GALNT13: variants seen among roughly 807,000 people sequenced by gnomAD.
The protein encoded by GALNT13 is polypeptide N-acetylgalactosaminyltransferase 13, also known as UDP-GalNAc:polypeptide N-acetylgalactosaminyltransferase 13.
GALNT13 carries 28 observed loss-of-function variants against 64.2 expected under a neutral mutation model. That is an observed-to-expected ratio of 0.44 (90% confidence interval 0.32 to 0.60). GALNT13 has a LOEUF of 0.60. Among genes scored for constraint, GALNT13 ranks in the 20% least tolerant of loss-of-function variants. GALNT13 has a pLI of 0.05. For missense variants in GALNT13, 577 were observed against 669.8 expected, an observed-to-expected ratio of 0.86 and a Z score of 1.53; for synonymous variants, 214 against 224.6, an observed-to-expected ratio of 0.95 and a Z score of 0.42.
intron 3 of GALNT13, among the ~76,000 whole-genome samples, chr2:154,032,787 C>T (rs552122957): frequency 2.0e-5 from 3 of 150,292 alleles, no homozygotes; most frequent in African/African-American, 7.3e-5. Flanking sequence ...ATAGAAATAA[C>T]TGGCATCATA....
At chr2:153,599,723 A>C in the GALNT13 span, among the ~76,000 whole-genome samples, 1 of 152,036 alleles carries the variant, frequency 6.6e-6, no homozygotes, top group Non-Finnish European at 1.5e-5. Context: ...GTAGCTGGAC[A>C]TATTATCATA....
chr2:153,343,832 G>A, the GALNT13 span, among the ~76,000 whole-genome samples: 1 of 152,038 alleles, frequency 6.6e-6, no homozygotes, highest in South Asian at 2.1e-4. Context: ...AAGAAATCAT[G>A]TCTCATTCCT....
the GALNT13 span, among the ~76,000 whole-genome samples, chr2:153,631,787 G>A: frequency 1.3e-5 from 2 of 152,096 alleles, no homozygotes; most frequent in Non-Finnish European, 2.9e-5. Context: ...AGTTTCTTTT[G>A]CTGTGCAGAA....
At chr2:153,779,845 A>G in the GALNT13 span, among the ~76,000 whole-genome samples, 1 of 152,168 alleles carries the variant, frequency 6.6e-6, no homozygotes. Flanking sequence ...GAAGATTTTC[A>G]GCTTTTCTTT....
At chr2:154,334,990 C>T (rs1051510267) in intron 9 of GALNT13, among the ~76,000 whole-genome samples, 1 of 151,940 alleles carries the variant, frequency 6.6e-6, no homozygotes, top group African/African-American at 2.4e-5. Context: ...ACTACATTTT[C>T]CCACTAGTCT....
rs1446906137 is a variant in GALNT13 at position 153,899,930 on chromosome 2, TA to T, written c.-176-1005del. ...GGAGATATATACATATATATATATA[TA>T]TATATTTTTTTTTTTTTTTTTTGAG... On this transcript the variant is annotated intron_variant, in intron 1 of 12. Coordinates refer to ENST00000392825, the MANE Select transcript of GALNT13 (RefSeq NM_052917.4). 4.7e-3 allele frequency among the ~76,000 whole-genome samples: 418 copies of T among 88,228 alleles called. 2 individuals carry two copies. The highest frequency in any genetic ancestry group is 7.7e-3 in the South Asian group (22 of 2,866). 57.9% of individuals were successfully genotyped at this position (88,228 alleles called of 152,430 possible). A position where few individuals can be genotyped will look rare whatever the true frequency, so the allele number is the denominator to read the frequency against.
the GALNT13 span, among the ~76,000 whole-genome samples, chr2:153,108,733 TC>T: frequency 6.6e-6 from 1 of 152,118 alleles, no homozygotes; most frequent in African/African-American, 2.4e-5. Context: ...TCAAAAGACT[TC>T]CAATCCTAAA....
the GALNT13 span, among the ~76,000 whole-genome samples, chr2:153,719,881 G>A: frequency 2.0e-5 from 3 of 152,208 alleles, no homozygotes; most frequent in East Asian, 3.9e-4. Flanking sequence ...GCGAGGCTGG[G>A]GGAGGGGCTC....
chr2:154,240,711 T>G (rs2105867024), intron 4 of GALNT13, among the ~76,000 whole-genome samples: 1 of 152,296 alleles, frequency 6.6e-6, no homozygotes. Flanking sequence ...GCAGCTTGTG[T>G]TAACCAGCTC....
the GALNT13 span, among the ~76,000 whole-genome samples, chr2:153,329,937 T>C: frequency 1.3e-5 from 2 of 152,220 alleles, no homozygotes; most frequent in African/African-American, 2.4e-5. Context: ...TTAATTTATC[T>C]TGAGATAATT....
chr2:153,412,232 A>C, the GALNT13 span, among the ~76,000 whole-genome samples: 2 of 152,098 alleles, frequency 1.3e-5, no homozygotes, highest in Non-Finnish European at 2.9e-5. Context: ...CCTGTTTAAT[A>C]CACCAGTGTA....
At chr2:154,405,215 A>G (rs2105382382) in intron 10 of GALNT13, among the ~76,000 whole-genome samples, 1 of 152,294 alleles carries the variant, frequency 6.6e-6, no homozygotes, top group African/African-American at 2.4e-5. Flanking sequence ...AATGCAGGAA[A>G]GAATTAGAAA....
At chr2:153,975,685 AG>A (rs1333876620) in intron 3 of GALNT13, among the ~76,000 whole-genome samples, 1 of 152,024 alleles carries the variant, frequency 6.6e-6, no homozygotes, top group East Asian at 1.9e-4. Context: ...GATTCAATAG[AG>A]AGTTGTTGGC....
intron 3 of GALNT13, among the ~76,000 whole-genome samples, chr2:153,992,315 A>G (rs1695209801): frequency 1.3e-5 from 2 of 152,206 alleles, no homozygotes; most frequent in Admixed American, 1.3e-4. Flanking sequence ...AAGATTATAT[A>G]TGCTTGTTCA....
intron 9 of GALNT13, among the ~76,000 whole-genome samples, chr2:154,321,096 T>G (rs1020128586): frequency 1.3e-5 from 2 of 151,620 alleles, no homozygotes; most frequent in African/African-American, 4.9e-5. Context: ...CCCAGGAAAA[T>G]GGAAAGATGA....
the GALNT13 span, among the ~76,000 whole-genome samples, chr2:153,598,911 G>T: frequency 2.1e-3 from 316 of 152,136 alleles, 2 homozygotes; most frequent in African/African-American, 7.4e-3. Context: ...TTCATAGCCA[G>T]ATTTATAAAG....
intron 8 of GALNT13, among the ~76,000 whole-genome samples, chr2:154,283,324 CT>C (rs1692067887): frequency 6.6e-6 from 1 of 151,916 alleles, no homozygotes; most frequent in African/African-American, 2.4e-5. Flanking sequence ...AAAATAACAG[CT>C]GTTTTTCCTG....
chr2:153,899,845 T>G (rs1370055034), intron 1 of GALNT13, among the ~76,000 whole-genome samples: 5 of 151,666 alleles, frequency 3.3e-5, no homozygotes, highest in Non-Finnish European at 7.4e-5. Context: ...AAGGGGATTT[T>G]TATTTATATT....
chr2:154,052,286 A>G (rs1031847423), intron 3 of GALNT13, among the ~76,000 whole-genome samples: 6 of 152,198 alleles, frequency 3.9e-5, no homozygotes, highest in Non-Finnish European at 5.9e-5. Context: ...TATCTGACTT[A>G]AGTGTACTTT....
Sources: allele counts gnomAD v4.1 joint callset (sites outside exome capture counted in the v4.1 genomes callset), GRCh38; gene constraint gnomAD v4.1.1; transcripts MANE v1.5; gene names NCBI Gene and HGNC (gene_info 2026-07-23, HGNC 2026-07-21).